The following MEGF11 variants were observed in gnomAD, a reference collection of about 807,000 sequenced individuals.
The protein encoded by MEGF11 is multiple epidermal growth factor-like domains protein 11.
Under a neutral mutation model 146.6 loss-of-function variants are expected in MEGF11, and 126 were observed. The observed-to-expected ratio is 0.86, with a 90% CI of 0.74 to 1.00. MEGF11 has a LOEUF of 1.00. MEGF11 is among the 50% of genes least tolerant of loss of function. The pLI is 0.00. For missense variants in MEGF11, 1,509 were observed against 1,521.2 expected (o/e 0.99, Z 0.13); for synonymous variants, 532 against 583.4 (o/e 0.91, Z 1.27).
At chr15:66,013,239 G>C (rs1021662606) in intron 5 of MEGF11, among the ~76,000 whole-genome samples, 4 of 152,196 alleles carry the variant, frequency 2.6e-5, no homozygotes, top group African/African-American at 9.7e-5. Context: ...AGTCAGGGAA[G>C]CATGTCAGTA....
intron 10 of MEGF11, 21 bp from the exon 11 acceptor site, chr15:65,930,964 T>C (rs758363170): frequency 2.6e-6 from 4 of 1,557,060 alleles, no homozygotes; most frequent in Non-Finnish European, 2.6e-6. Context: ...AGGGGGTGAA[T>C]TTTGGATCAA....
At chr15:66,042,438 G>C (rs368294163) in intron 5 of MEGF11, among the ~76,000 whole-genome samples, 85 of 152,208 alleles carry the variant, frequency 5.6e-4, no homozygotes, top group African/African-American at 2.0e-3. Context: ...TTACCCAGGG[G>C]ACGTCAGAGC....
In MEGF11 at chr15:65,913,336, CAG is replaced by C. The variant is rs1022074485; in HGVS notation, c.2710+399_2710+400del. Reference sequence around the variant, plus strand: ...TGTCCTGAGGCGTTCACCAGGGAAACAGAAATGGATGAGCTCTGGGCACTGGG... The same window carrying C: ...TGTCCTGAGGCGTTCACCAGGGAAACAAATGGATGAGCTCTGGGCACTGGG... On this transcript the variant is annotated intron_variant, in intron 20 of 25. Transcript: ENST00000395614. Among the ~76,000 whole-genome samples, 8 of 152,278 alleles carry C rather than the reference CAG, an allele frequency of 5.3e-5. No individual in the cohort carries two copies. The South Asian group carries it at 8.3e-4, about 16-fold the overall frequency.
At chr15:66,112,862 G>A (rs148761339) in intron 4 of MEGF11, among the ~76,000 whole-genome samples, 8 of 152,236 alleles carry the variant, frequency 5.3e-5, no homozygotes, top group African/African-American at 1.9e-4. Context: ...GACAAATAAA[G>A]CATAGGAGCA....
chr15:66,230,733 A>C (rs570170466), intron 1 of MEGF11, among the ~76,000 whole-genome samples: 2 of 152,344 alleles, frequency 1.3e-5, no homozygotes, highest in African/African-American at 4.8e-5. Context: ...CGGACGTGGG[A>C]GTGCACTATA....
chr15:66,191,813 C>T (rs1293159126), intron 1 of MEGF11, among the ~76,000 whole-genome samples: 2 of 152,162 alleles, frequency 1.3e-5, no homozygotes, highest in Admixed American at 6.5e-5. Flanking sequence ...CGGTGGCTCA[C>T]GCCTGTAATC....
chr15:66,017,133 G>T (rs1343968368), intron 5 of MEGF11, among the ~76,000 whole-genome samples: 1 of 152,184 alleles, frequency 6.6e-6, no homozygotes, highest in Non-Finnish European at 1.5e-5. Flanking sequence ...AGCAGTAGGG[G>T]ACGGAGGAGG....
Position 66,021,236 on chromosome 15 carries a change from CA to C in MEGF11, c.395-38749del, listed in dbSNP as rs536251671. 5.3e-5 allele frequency among the ~76,000 whole-genome samples: 8 copies of C among 152,190 alleles called. No individual in the cohort carries two copies. The East Asian group carries it at 1.5e-3, about 29-fold the overall frequency. On this transcript the variant is annotated intron_variant, in intron 5 of 25. Coordinates refer to ENST00000395614, the MANE Select transcript of MEGF11 (RefSeq NM_001385028.1). ...TGTCATAAGTCAGTCAATCAATCAA[CA>C]AAAAGTAGAGGAAGGTTGGGCTCAG... is the stretch of plus-strand genomic sequence containing the variant.
chr15:65,977,516 G>C (rs1357389026), intron 7 of MEGF11, among the ~76,000 whole-genome samples: 1 of 130,482 alleles, frequency 7.7e-6, no homozygotes, highest in African/African-American at 3.0e-5. Context: ...GTCTTGCTCT[G>C]TCACCCAGGT....
At chr15:66,008,111 C>T (rs865955774) in intron 5 of MEGF11, among the ~76,000 whole-genome samples, 1 of 152,268 alleles carries the variant, frequency 6.6e-6, no homozygotes, top group Middle Eastern at 3.4e-3. Context: ...GTTGAGGTAA[C>T]AGGAACCACA....
At chr15:66,123,850 G>A in intron 3 of MEGF11, 49 bp downstream of exon 3, 1 of 1,495,876 alleles carries the variant, frequency 6.7e-7, no homozygotes, top group Non-Finnish European at 9.3e-7. Flanking sequence ...GGCAAGCCCT[G>A]AGAGCCCAGT....
intron 1 of MEGF11, among the ~76,000 whole-genome samples, chr15:66,208,742 C>T (rs1303300255): frequency 3.3e-5 from 5 of 151,968 alleles, no homozygotes; most frequent in Non-Finnish European, 7.4e-5. Context: ...ATTAGCCAGG[C>T]GTGGTGGTGG....
chr15:66,017,968 G>C (rs1481673232), intron 5 of MEGF11, among the ~76,000 whole-genome samples: 1 of 152,168 alleles, frequency 6.6e-6, no homozygotes, highest in Middle Eastern at 3.2e-3. Flanking sequence ...CAGGCAAAGA[G>C]CCTGATTGTC....
At chr15:66,158,125 T>C in intron 1 of MEGF11, among the ~76,000 whole-genome samples, 1 of 152,174 alleles carries the variant, frequency 6.6e-6, no homozygotes, top group East Asian at 1.9e-4. Context: ...GATTCCCAGA[T>C]TCATTTTAGA....
At chr15:65,971,139 G>A (rs2081285682) in intron 7 of MEGF11, 2 of 164,466 alleles carry the variant, frequency 1.2e-5, no homozygotes, top group South Asian at 3.5e-4. Context: ...TGACATGAGA[G>A]TCAAAGGGGT....
intron 1 of MEGF11, among the ~76,000 whole-genome samples, chr15:66,183,307 C>T (rs936102678): frequency 1.5e-4 from 23 of 152,084 alleles, no homozygotes; most frequent in African/African-American, 5.3e-4. Flanking sequence ...CGAGACCAAC[C>T]TGGCCAACAT....
chr15:65,941,300 C>T (rs886143044), intron 10 of MEGF11, among the ~76,000 whole-genome samples: 1 of 151,948 alleles, frequency 6.6e-6, no homozygotes, highest in Admixed American at 6.6e-5. Context: ...TCTGTAATCC[C>T]AGCTACTTGG....
chr15:65,979,638 C>T (rs1034696204), intron 7 of MEGF11, among the ~76,000 whole-genome samples: 3 of 152,144 alleles, frequency 2.0e-5, no homozygotes, highest in African/African-American at 4.8e-5. Context: ...GCTTGGTCTG[C>T]GAGGCAGGCA....
At chr15:66,193,839 G>A (rs2090941656) in intron 1 of MEGF11, among the ~76,000 whole-genome samples, 1 of 151,914 alleles carries the variant, frequency 6.6e-6, no homozygotes, top group South Asian at 2.1e-4. Flanking sequence ...CTTTCCTGGA[G>A]GACTGTAAGC....
Sources: allele counts gnomAD v4.1 joint callset (sites outside exome capture counted in the v4.1 genomes callset), GRCh38; gene constraint gnomAD v4.1.1; transcripts MANE v1.5; gene names NCBI Gene and HGNC (gene_info 2026-07-23, HGNC 2026-07-21).